ARHGEF3: variants seen among roughly 807,000 people sequenced by gnomAD.
ARHGEF3 encodes the protein 59.8 kDA protein.
Under a neutral mutation model 63.2 loss-of-function variants are expected in ARHGEF3, and 28 were observed. That is an observed-to-expected ratio of 0.44 (90% confidence interval 0.33 to 0.61). The LOEUF (loss-of-function observed/expected upper bound fraction) is 0.61. ARHGEF3 is among the 20% of genes least tolerant of loss of function. The probability of loss-of-function intolerance (pLI) is 0.03; values close to 1 mark genes in which losing one functional copy is unlikely to be tolerated. For missense variants in ARHGEF3, 533 were observed against 659.3 expected (o/e 0.81, Z 2.10); for synonymous variants, 266 against 254.2 (o/e 1.05, Z -0.44).
intron 2 of ARHGEF3, among the ~76,000 whole-genome samples, chr3:56,770,457 GAAATA>G (rs1055677420): frequency 7.8e-6 from 1 of 128,458 alleles, no homozygotes; most frequent in Non-Finnish European, 1.6e-5. Context: ...AAAATAAAAT[GAAATA>G]AAATAAAATA....
At chr3:57,029,658 AC>A (rs1159841589) in intron 2 of ARHGEF3, among the ~76,000 whole-genome samples, 4 of 152,152 alleles carry the variant, frequency 2.6e-5, no homozygotes, top group Non-Finnish European at 1.5e-5. Flanking sequence ...CACTGGCCAA[AC>A]AAATTTGACA....
At chr3:56,820,485 A>AT (rs1466651860) in intron 4 of ARHGEF3, among the ~76,000 whole-genome samples, 1 of 152,110 alleles carries the variant, frequency 6.6e-6, no homozygotes, top group African/African-American at 2.4e-5. Context: ...GGACAGTGAG[A>AT]TTTTTCACAA....
At chr3:56,830,235 G>A (rs921790495) in intron 4 of ARHGEF3, among the ~76,000 whole-genome samples, 27 of 152,282 alleles carry the variant, frequency 1.8e-4, no homozygotes, top group African/African-American at 5.1e-4. Context: ...GACGATGATG[G>A]CTGGAGTGAT....
chr3:56,997,589 C>T (rs1343999456), intron 2 of ARHGEF3, among the ~76,000 whole-genome samples: 2 of 152,218 alleles, frequency 1.3e-5, no homozygotes, highest in African/African-American at 4.8e-5. Flanking sequence ...CCGCGCAGAT[C>T]TACCCCGGGC....
chr3:56,967,465 T>A (rs1490703605), intron 2 of ARHGEF3, among the ~76,000 whole-genome samples: 3 of 58,490 alleles, frequency 5.1e-5, no homozygotes, highest in South Asian at 5.7e-4. Context: ...ATATTATATA[T>A]TATATAATAT....
rs558404964 is a variant in ARHGEF3, at chr3:56,800,255, C to T, written c.96+1448G>A. 9.8e-5 allele frequency among the ~76,000 whole-genome samples: 15 copies of T among 152,296 alleles called. 1 individual carries two copies. Among genetic ancestry groups the T allele is most frequent in the Admixed American group, 9.1e-4 (14 of 15,312 alleles). On this transcript the variant is annotated intron_variant, in intron 1 of 9. Transcript: ENST00000296315. ...TTAATTTATTGGTTATGCCTTTCTTCCTTACAAGTGGAGTTTGAGTGGGCA... is the reference window on the plus strand; with the variant it reads ...TTAATTTATTGGTTATGCCTTTCTTTCTTACAAGTGGAGTTTGAGTGGGCA...
At chr3:56,738,202 G>C (rs1041807882) in intron 7 of ARHGEF3, among the ~76,000 whole-genome samples, 2 of 152,074 alleles carry the variant, frequency 1.3e-5, no homozygotes, top group Non-Finnish European at 2.9e-5. Context: ...ACCACGCCCA[G>C]CTAATTTTTT....
chr3:56,773,690 C>A lies in ARHGEF3; in HGVS notation c.204+19G>T. On this transcript the variant is annotated intron_variant, in intron 2 of 9. Coordinates refer to ENST00000296315, the MANE Select transcript of ARHGEF3 (RefSeq NM_019555.3). ...CACCATGATTTTCTGCAACCACAGG[C>A]CCTGTGTGCCCTTCTTACCTGCAGG... 6.4e-7 allele frequency: 1 copy of A among 1,552,112 alleles called. No homozygotes were observed. Among genetic ancestry groups the A allele is most frequent in the Admixed American group, 2.2e-5 (1 of 45,294 alleles).
chr3:57,072,811 C>T (rs746769566), intron 1 of ARHGEF3, among the ~76,000 whole-genome samples: 1 of 151,822 alleles, frequency 6.6e-6, no homozygotes, highest in Non-Finnish European at 1.5e-5. Context: ...CTTTGGGAGG[C>T]CAAGGCGGGT....
chr3:56,837,231 TAAAAGAGACTTTACTTA>T (rs1464639878), intron 4 of ARHGEF3, among the ~76,000 whole-genome samples: 2 of 152,256 alleles, frequency 1.3e-5, no homozygotes, highest in Middle Eastern at 3.4e-3. Flanking sequence ...AGAGTCTAAA[TAAAAGAGACTTTACTTA>T]AAAGGAAGGG....
chr3:56,758,354 C>T (rs2035222874), intron 2 of ARHGEF3, among the ~76,000 whole-genome samples: 1 of 151,372 alleles, frequency 6.6e-6, no homozygotes, highest in Non-Finnish European at 1.5e-5. Flanking sequence ...CTTCGGGAAG[C>T]CAAGGCAGGC....
At chr3:56,828,649 GA>G (rs2038819379) in intron 4 of ARHGEF3, among the ~76,000 whole-genome samples, 1 of 152,168 alleles carries the variant, frequency 6.6e-6, no homozygotes, top group Admixed American at 6.5e-5. Flanking sequence ...TAAGTAGTAA[GA>G]AAAGATACCC....
chr3:56,833,175 T>C (rs1321064293), intron 4 of ARHGEF3, among the ~76,000 whole-genome samples: 1 of 152,188 alleles, frequency 6.6e-6, no homozygotes, highest in East Asian at 1.9e-4. Context: ...CAAACTCTTC[T>C]CCACAACAGC....
chr3:56,848,313 A>G (rs890949315), intron 4 of ARHGEF3, among the ~76,000 whole-genome samples: 1 of 152,162 alleles, frequency 6.6e-6, no homozygotes, highest in Admixed American at 6.5e-5. Flanking sequence ...GAAAATGTCT[A>G]TAATAAACAA....
Position 57,001,922 on chromosome 3 carries a change from T to G in ARHGEF3, c.62+33166A>C, listed in dbSNP as rs1390836437. Among the ~76,000 whole-genome samples, 4 of 65,352 alleles carry G rather than the reference T, an allele frequency of 6.1e-5. 1 individual carries two copies. The South Asian group carries it at 1.9e-3, about 31-fold the overall frequency. 42.9% of individuals were successfully genotyped at this position (65,352 alleles called of 152,430 possible). A position where few individuals can be genotyped will look rare whatever the true frequency, so the allele number is the denominator to read the frequency against. ...AAAACCCAAAGTGAGATAGTTTTTT[T>G]TTTTTTTGTTTTTTGTTTTGAGACG... On this transcript the variant is annotated intron_variant, in intron 2 of 12. Coordinates refer to the ARHGEF3 transcript ENST00000338458.
Position 56,755,069 on chromosome 3 carries a change from G to C in ARHGEF3, c.287C>G (p.Thr96Arg), listed in dbSNP as rs144809134. The change falls in exon 3 of 10, where the codon ACG becomes AGG. Residue 96 changes from threonine to arginine, a missense_variant. Physicochemically the swap from Thr to Arg is moderately conservative, Grantham distance 71. Coordinates refer to ENST00000296315, the MANE Select transcript of ARHGEF3 (RefSeq NM_019555.3). ...PWSRNAAPSS[T>R]KRRDSKLWSE... ...CCACAGCTTGCTATCTCTCCGTTTC[G>C]TGCTCGAGGGGGCGGCATTTCTGGA... 1.2e-6 allele frequency: 2 copies of C among 1,613,952 alleles called. No individual in the cohort carries two copies. Among genetic ancestry groups the C allele is most frequent in the Non-Finnish European group, 1.7e-6 (2 of 1,180,026 alleles).
intron 3 of ARHGEF3, among the ~76,000 whole-genome samples, chr3:56,929,343 A>G (rs1395646989): frequency 6.6e-6 from 1 of 152,240 alleles, no homozygotes; most frequent in Admixed American, 6.5e-5. Flanking sequence ...GACGGTTTAC[A>G]TGCCAATTTC....
chr3:56,814,382 G>A (rs370328211), intron 4 of ARHGEF3, among the ~76,000 whole-genome samples: 1 of 152,200 alleles, frequency 6.6e-6, no homozygotes, highest in South Asian at 2.1e-4. Context: ...TTCCACTGTG[G>A]CCCACGGAAG....
intron 4 of ARHGEF3, among the ~76,000 whole-genome samples, chr3:56,854,312 C>T (rs974178919): frequency 3.3e-5 from 5 of 152,132 alleles, no homozygotes; most frequent in Non-Finnish European, 4.4e-5. Flanking sequence ...AAGCCCAGAT[C>T]TGTTTAGCTG....
Sources: allele counts gnomAD v4.1 joint callset (sites outside exome capture counted in the v4.1 genomes callset), GRCh38; gene constraint gnomAD v4.1.1; transcripts MANE v1.5; gene names NCBI Gene and HGNC (gene_info 2026-07-23, HGNC 2026-07-21).